Variants in TCF7L2 observed in about 807,000 individuals in gnomAD.
The protein encoded by TCF7L2 is transcription factor 7-like 2.
In TCF7L2, 23 loss-of-function variants were observed where a neutral mutation model predicts 77.9. That is an observed-to-expected ratio of 0.30 (90% confidence interval 0.21 to 0.42). TCF7L2 has a LOEUF of 0.42. Among genes scored for constraint, TCF7L2 ranks in the 10% least tolerant of loss-of-function variants. The pLI, the probability that TCF7L2 is intolerant of heterozygous loss-of-function variation, is 1.00. For synonymous variants in TCF7L2, 413 were observed against 340.2 expected, an observed-to-expected ratio of 1.21 and a Z score of -2.36; for missense variants, 654 against 793.1, an observed-to-expected ratio of 0.82 and a Z score of 2.11.
At chr10:113,031,737 C>G (rs1482115964) in intron 4 of TCF7L2, among the ~76,000 whole-genome samples, 4 of 152,178 alleles carry the variant, frequency 2.6e-5, no homozygotes, top group Non-Finnish European at 5.9e-5. Flanking sequence ...GATCCGCCCA[C>G]CTCTGCCTCT....
intron 5 of TCF7L2, among the ~76,000 whole-genome samples, chr10:113,117,213 C>G (rs776255129): frequency 5.3e-5 from 8 of 152,180 alleles, no homozygotes; most frequent in Non-Finnish European, 1.0e-4. Flanking sequence ...CTCTAACAGT[C>G]TTTCATCCCT....
In TCF7L2 at chr10:113,152,454, T is replaced by C; in HGVS notation, c.1269+14T>C. ...CGGGATAACTATGTAGGTGGATCAT[T>C]TTCGTTAGGATTGGAGTCTGTAGAG... On this transcript the variant is annotated intron_variant, in intron 11 of 13. Transcript: ENST00000627217. 6.2e-7 allele frequency: 1 copy of C among 1,603,974 alleles called. No individual in the cohort carries two copies. Among genetic ancestry groups the C allele is most frequent in the African/African-American group, 1.3e-5 (1 of 74,762 alleles).
intron 13 of TCF7L2, chr10:113,160,712 CT>C: frequency 6.4e-7 from 1 of 1,574,086 alleles, no homozygotes; most frequent in Non-Finnish European, 8.6e-7. Flanking sequence ...ACTGCGAGGC[CT>C]TTGGGAAAAT....
intron 13 of TCF7L2, among the ~76,000 whole-genome samples, chr10:113,163,247 A>G (rs148094723): frequency 1.3e-5 from 2 of 152,228 alleles, no homozygotes; most frequent in South Asian, 2.1e-4. Flanking sequence ...CTCCTAGCCA[A>G]TCAGGGCTTC....
chr10:113,116,035 G>A (rs528481305), intron 5 of TCF7L2, among the ~76,000 whole-genome samples: 16 of 152,286 alleles, frequency 1.1e-4, no homozygotes, highest in Non-Finnish European at 1.9e-4. Context: ...ATGTGTGAAT[G>A]AGCCTATTTG....
At chr10:113,129,828 T>A (rs1442777173) in intron 5 of TCF7L2, 7 of 1,289,098 alleles carry the variant, frequency 5.4e-6, no homozygotes, top group Non-Finnish European at 7.1e-6. Context: ...CAGAGAAAGT[T>A]TTTTTAGAGG....
rs200325866 is a variant in TCF7L2 at position 113,013,372 on chromosome 10, ACCT to A, written c.451-26650_451-26648del. Among the ~76,000 whole-genome samples, 1,441 of 151,204 alleles carry A rather than the reference ACCT, an allele frequency of 9.5e-3. 18 individuals are homozygous for A. The highest frequency in any genetic ancestry group is 0.034 in the South Asian group (165 of 4,786). ...GACCTCAAGTGATCCTCCTGCCTTG[ACCT>A]CCCAGAGTGCTGGGATTACGGGCAT... is the stretch of plus-strand genomic sequence containing the variant. On this transcript the variant is annotated intron_variant, in intron 4 of 13. Transcript: ENST00000627217.
At chr10:112,988,516 C>T (rs2041974215) in intron 4 of TCF7L2, among the ~76,000 whole-genome samples, 1 of 152,192 alleles carries the variant, frequency 6.6e-6, no homozygotes, top group Non-Finnish European at 1.5e-5. Flanking sequence ...ACCTGCCTCC[C>T]ATCTGTGGTT....
intron 5 of TCF7L2, among the ~76,000 whole-genome samples, chr10:113,098,569 G>A (rs1420582324): frequency 1.3e-5 from 2 of 152,080 alleles, no homozygotes; most frequent in South Asian, 2.1e-4. Flanking sequence ...AGCCAGGCAT[G>A]GTGGCGGGAG....
intron 3 of TCF7L2, among the ~76,000 whole-genome samples, chr10:112,961,254 A>ACCGCCCCCCC (rs1349844083): frequency 1.3e-4 from 8 of 60,502 alleles, no homozygotes; most frequent in East Asian, 6.3e-4. Context: ...ACCTCAGGTG[A>ACCGCCCCCCC]CCCCCCCCCC....
chr10:112,982,471 AAC>A (rs2040650747), intron 4 of TCF7L2, among the ~76,000 whole-genome samples: 1 of 152,192 alleles, frequency 6.6e-6, no homozygotes, highest in Non-Finnish European at 1.5e-5. Flanking sequence ...TGATCACCCT[AAC>A]ACAGTTGTTA....
At position 113,165,659 on chromosome 10, in the gene TCF7L2, T is replaced by C. The variant is rs771215921; in HGVS notation, c.1496T>C (p.Leu499Pro). Residue 499 changes from leucine (L) to proline (P), a missense_variant, in exon 14 of 14, where the codon CTG (leucine) becomes CCG (proline). Transcript: ENST00000627217. The stretch of plus-strand genomic sequence containing the variant: ...GATTCGCCTCCCCCCTCCCCGAACC[T>C]GCTAGGCTCCCCTCCCCGAGACGCC... 19 of 1,232,004 alleles carry C rather than the reference T, an allele frequency of 1.5e-5. No homozygotes were observed. Among genetic ancestry groups the C allele is most frequent in the Admixed American group, 7.9e-5 (4 of 50,414 alleles). The allele number at this position is 1,232,004 out of a possible 1,614,324, so 76.3% of individuals were successfully genotyped here.
At chr10:112,997,918 A>C (rs2043785107) in intron 4 of TCF7L2, among the ~76,000 whole-genome samples, 1 of 152,078 alleles carries the variant, frequency 6.6e-6, no homozygotes. Context: ...GTATCTGTAA[A>C]TTTCTTCAAA....
At chr10:113,073,123 TGTGTGTGAGA>T (rs1564855550) in intron 5 of TCF7L2, among the ~76,000 whole-genome samples, 2 of 142,264 alleles carry the variant, frequency 1.4e-5, no homozygotes, top group African/African-American at 2.6e-5. Context: ...TGTGTGTGTG[TGTGTGTGAGA>T]GAGAGAGAGA....
chr10:113,058,354 G>A (rs1464847406), intron 5 of TCF7L2, among the ~76,000 whole-genome samples: 3 of 152,156 alleles, frequency 2.0e-5, no homozygotes, highest in Non-Finnish European at 4.4e-5. Flanking sequence ...TGAAGAGGGG[G>A]TGGGGAATCC....
At chr10:112,977,916 C>T (rs746366590) in intron 4 of TCF7L2, among the ~76,000 whole-genome samples, 1 of 152,124 alleles carries the variant, frequency 6.6e-6, no homozygotes, top group Non-Finnish European at 1.5e-5. Flanking sequence ...GGAAAACATA[C>T]GAAGCAGAAA....
intron 4 of TCF7L2, among the ~76,000 whole-genome samples, chr10:113,007,962 A>G (rs2045857279): frequency 6.6e-6 from 1 of 152,186 alleles, no homozygotes; most frequent in Non-Finnish European, 1.5e-5. Context: ...CTGGGCAGGC[A>G]GGCAGCTTGA....
At chr10:113,121,767 A>G in intron 5 of TCF7L2, among the ~76,000 whole-genome samples, 1 of 140,738 alleles carries the variant, frequency 7.1e-6, no homozygotes, top group Admixed American at 6.9e-5. Flanking sequence ...GCACGCACAC[A>G]TACACACAAC....
In TCF7L2 at chr10:113,166,560, G is replaced by T. The variant is rs1182806808; in HGVS notation, c.*588G>T. On this transcript the variant is annotated 3_prime_UTR_variant, in exon 14 of 14. Coordinates refer to ENST00000627217, the MANE Select transcript of TCF7L2 (RefSeq NM_001146274.2). ...ATGTGTTAATATACCTTGTTCCATG[G>T]TGTTGTTCTTTTGGGGGGAGGGGAC... 1 of 224,956 alleles carries T rather than the reference G, an allele frequency of 4.4e-6. No homozygotes were observed. The highest frequency in any genetic ancestry group is 2.2e-5 in the African/African-American group (1 of 44,748). The allele number at this position is 224,956 out of a possible 1,614,324, so 13.9% of individuals were successfully genotyped here. A position where few individuals can be genotyped will look rare whatever the true frequency, so the allele number is the denominator to read the frequency against.
Sources: allele counts gnomAD v4.1 joint callset (sites outside exome capture counted in the v4.1 genomes callset), GRCh38; gene constraint gnomAD v4.1.1; transcripts MANE v1.5; gene names NCBI Gene and HGNC (gene_info 2026-07-23, HGNC 2026-07-21).